The following ZNF544 variants were observed in gnomAD, a reference collection of about 807,000 sequenced individuals.
The protein encoded by ZNF544 is zinc finger protein AF020591.
A neutral mutation model predicts 13.5 loss-of-function variants in ZNF544; 10 were observed. That is an observed-to-expected ratio of 0.74 (90% CI 0.46 to 1.25). The LOEUF (loss-of-function observed/expected upper bound fraction) is 1.25. ZNF544 is among the 50% of genes most tolerant of loss of function. The pLI, the probability that ZNF544 is intolerant of heterozygous loss-of-function variation, is 0.00. For synonymous variants in ZNF544, 323 were observed against 300.5 expected, an observed-to-expected ratio of 1.07 and a Z score of -0.77; for missense variants, 896 against 845.6, an observed-to-expected ratio of 1.06 and a Z score of -0.74.
At chr19:58,240,257 C>T (rs2043276602) in intron 3 of ZNF544, among the ~76,000 whole-genome samples, 1 of 151,528 alleles carries the variant, frequency 6.6e-6, no homozygotes, top group South Asian at 2.1e-4. Context: ...CTTTCTTTTT[C>T]TTTCTTTTTT....
chr19:58,269,539 A>C (rs2050358171), intron 5 of ZNF544, among the ~76,000 whole-genome samples: 1 of 144,966 alleles, frequency 6.9e-6, no homozygotes, highest in African/African-American at 2.6e-5. Context: ...TGAACCCAGG[A>C]GGTGGAGGTT....
chr19:58,265,794 C>G (rs751701156), downstream of ZNF544, among the ~76,000 whole-genome samples: 4 of 151,318 alleles, frequency 2.6e-5, no homozygotes, highest in African/African-American at 7.3e-5. Flanking sequence ...CACCATGTTG[C>G]CCAGGCTGGT....
intron 6 of ZNF544, among the ~76,000 whole-genome samples, chr19:58,250,296 T>C (rs2046087709): frequency 1.3e-5 from 2 of 152,170 alleles, no homozygotes; most frequent in South Asian, 2.1e-4. Context: ...TGTTTTCCCA[T>C]TGGAGGTAAT....
Position 58,262,544 on chromosome 19 carries a change from C to G in ZNF544, c.1938C>G (p.Tyr646Ter), listed in dbSNP as rs757545599. Residue 646 changes from tyrosine (Y) to a stop codon, truncating the protein, a stop_gained, in exon 7 of 7, where the codon TAC becomes TAG. Transcript: ENST00000687789. LOFTEE classifies it low-confidence loss of function (END_TRUNC). ...ATAAAGCCTTTGCAAGGAGCTCCTA[C>G]CTTGTGATGCATCAGAGAACTCACA... ...QCNKAFARSS[Y>*]LVMHQRTHTG... 2.5e-6 allele frequency: 4 copies of G among 1,614,122 alleles called. No individual in the cohort carries two copies. Among genetic ancestry groups the G allele is most frequent in the Non-Finnish European group, 3.4e-6 (4 of 1,180,014 alleles).
intron 3 of ZNF544, among the ~76,000 whole-genome samples, chr19:58,232,256 A>T (rs989442297): frequency 6.6e-6 from 1 of 152,008 alleles, no homozygotes; most frequent in Non-Finnish European, 1.5e-5. Flanking sequence ...ATGAGCATAG[A>T]TCCATCAGTG....
chr19:58,260,108 AAAT>A (rs1328166352), intron 6 of ZNF544, among the ~76,000 whole-genome samples: 1 of 152,122 alleles, frequency 6.6e-6, no homozygotes, highest in Non-Finnish European at 1.5e-5. Flanking sequence ...AAAACTAAGT[AAAT>A]AATAATAATA....
At chr19:58,254,799 G>T (rs182447673) in intron 6 of ZNF544, among the ~76,000 whole-genome samples, 3 of 152,170 alleles carry the variant, frequency 2.0e-5, no homozygotes, top group Admixed American at 6.5e-5. Flanking sequence ...AGGTTGGTGG[G>T]GTATTCTCTG....
chr19:58,264,982 T>G (rs1415360972), downstream of ZNF544, among the ~76,000 whole-genome samples: 2 of 152,154 alleles, frequency 1.3e-5, no homozygotes, highest in Non-Finnish European at 2.9e-5. Context: ...ACCACTGCAC[T>G]CCAGCCTAGG....
intron 6 of ZNF544, among the ~76,000 whole-genome samples, chr19:58,276,776 AG>A (rs2051254648): frequency 1.3e-5 from 2 of 152,236 alleles, no homozygotes; most frequent in South Asian, 4.1e-4. Context: ...CCCAGCCAAA[AG>A]ACAGAATTTT....
intron 6 of ZNF544, chr19:58,258,649 G>A (rs1027487176): frequency 1.9e-5 from 3 of 155,280 alleles, no homozygotes; most frequent in Non-Finnish European, 4.3e-5. Context: ...AGGGTGCTGG[G>A]TGCATGCAAG....
chr19:58,272,948 C>T (rs2050812805), intron 5 of ZNF544, among the ~76,000 whole-genome samples: 1 of 151,670 alleles, frequency 6.6e-6, no homozygotes, highest in Non-Finnish European at 1.5e-5. Flanking sequence ...CTTTGGGAGG[C>T]CGAGTTGGGC....
In ZNF544 at chr19:58,262,835, C is replaced by G; in HGVS notation, c.*81C>G. On this transcript the variant is annotated 3_prime_UTR_variant, in exon 7 of 7. Transcript: ENST00000687789. ...AGAGGACGCATGTCGGTGGGAAGAG[C>G]TATCAGTGTGACGTGTATTAAGCCA... 6.6e-7 allele frequency: 1 copy of G among 1,522,440 alleles called. No homozygotes were observed. Among genetic ancestry groups the G allele is most frequent in the South Asian group, 1.3e-5 (1 of 75,676 alleles). The allele number at this position is 1,522,440 out of a possible 1,614,324, so 94.3% of individuals were successfully genotyped here. A position where few individuals can be genotyped will look rare whatever the true frequency, so the allele number is the denominator to read the frequency against.
chr19:58,250,723 G>T (rs773812964), intron 6 of ZNF544, among the ~76,000 whole-genome samples: 3 of 152,092 alleles, frequency 2.0e-5, no homozygotes, highest in Non-Finnish European at 4.4e-5. Context: ...CCCCAGAAAG[G>T]GTACTCTGAT....
At chr19:58,244,588 T>G (rs1196939474) in intron 4 of ZNF544, among the ~76,000 whole-genome samples, 2 of 152,104 alleles carry the variant, frequency 1.3e-5, no homozygotes, top group African/African-American at 4.8e-5. Flanking sequence ...TCTTATTTTA[T>G]TTTTTGACGT....
chr19:58,274,090 G>A (rs554618060), intron 5 of ZNF544, among the ~76,000 whole-genome samples: 2 of 152,036 alleles, frequency 1.3e-5, no homozygotes, highest in Admixed American at 6.5e-5. Flanking sequence ...CACCGTGCCC[G>A]GCTCCTAAAC....
At chr19:58,269,524 T>C (rs889093931) in intron 5 of ZNF544, among the ~76,000 whole-genome samples, 4 of 150,082 alleles carry the variant, frequency 2.7e-5, no homozygotes. Context: ...GGTAGGAGAA[T>C]TGCTTGAACC....
chr19:58,254,033 G>A (rs1247860384), intron 6 of ZNF544, among the ~76,000 whole-genome samples: 2 of 152,126 alleles, frequency 1.3e-5, no homozygotes, highest in Non-Finnish European at 2.9e-5. Context: ...GACCATCCTG[G>A]CTAACATGGT....
chr19:58,253,681 C>G (rs1267566649), intron 6 of ZNF544, among the ~76,000 whole-genome samples: 1 of 152,112 alleles, frequency 6.6e-6, no homozygotes, highest in African/African-American at 2.4e-5. Flanking sequence ...CTCGGGTGAT[C>G]TGCCCACCTT....
At chr19:58,269,735 A>T (rs541736743) in intron 5 of ZNF544, among the ~76,000 whole-genome samples, 12 of 152,312 alleles carry the variant, frequency 7.9e-5, no homozygotes, top group South Asian at 2.1e-4. Flanking sequence ...AGCCTGGCCA[A>T]GATGGTGAAA....
Sources: gnomAD v4.1 joint callset for allele counts (sites outside exome capture counted in the v4.1 genomes callset) on GRCh38, gnomAD v4.1.1 for gene constraint, MANE v1.5 for transcripts, NCBI Gene and HGNC (gene_info 2026-07-23, HGNC 2026-07-21) for gene names.